Variants in CHL1 observed in about 807,000 individuals in gnomAD.
CHL1 encodes neural cell adhesion molecule L1-like protein.
A neutral mutation model predicts 141.9 loss-of-function variants in CHL1; 96 were observed. The observed-to-expected ratio is 0.68, with a 90% confidence interval of 0.57 to 0.80. The LOEUF is 0.80. CHL1 is among the 30% of genes least tolerant of loss of function. CHL1 has a pLI of 0.00. For missense variants in CHL1, 1,820 were observed against 1,457.2 expected (o/e 1.25, Z -4.05); for synonymous variants, 613 against 502.2 (o/e 1.22, Z -2.95).
chr3:278,491 G>GGGTCCGCGCCCTCCGCGGGGTT, intron 2 of CHL1, among the ~76,000 whole-genome samples: 1 of 152,268 alleles, frequency 6.6e-6, no homozygotes, highest in African/African-American at 2.4e-5. Context: ...TACTGCAAGC[G>GGGTCCGCGCCCTCCGCGGGGTT]TTCGTTAGTA....
chr3:237,882 G>C (rs539774890), intron 1 of CHL1, among the ~76,000 whole-genome samples: 1 of 152,306 alleles, frequency 6.6e-6, no homozygotes, highest in Non-Finnish European at 1.5e-5. Flanking sequence ...ATCAGAAATA[G>C]GGGCTATTTC....
At chr3:248,876 T>C (rs901569411) in intron 2 of CHL1, among the ~76,000 whole-genome samples, 2 of 152,140 alleles carry the variant, frequency 1.3e-5, no homozygotes, top group African/African-American at 4.8e-5. Context: ...TATTGACATT[T>C]AAAAGGACTG....
chr3:398,460 C>T (rs949420663), intron 25 of CHL1, 75 bp downstream of exon 25: 1 of 802,412 alleles, frequency 1.2e-6, no homozygotes, highest in East Asian at 2.7e-5. Flanking sequence ...TGCCTGTGTC[C>T]TATATTAAAC....
chr3:206,985 A>G (rs751382245), intron 1 of CHL1, among the ~76,000 whole-genome samples: 5 of 152,260 alleles, frequency 3.3e-5, no homozygotes, highest in Admixed American at 1.3e-4. Context: ...GCCATATCTC[A>G]GCATTGCTGT....
intron 5 of CHL1, among the ~76,000 whole-genome samples, chr3:333,848 A>G (rs1337931067): frequency 6.6e-6 from 1 of 152,172 alleles, no homozygotes; most frequent in Admixed American, 6.5e-5. Flanking sequence ...GTTGAATACT[A>G]CTCACACTTC....
At chr3:241,016 T>C (rs1692510013) in intron 1 of CHL1, among the ~76,000 whole-genome samples, 1 of 152,172 alleles carries the variant, frequency 6.6e-6, no homozygotes, top group African/African-American at 2.4e-5. Context: ...CCAAAGAGTA[T>C]ATATTATGTT....
intron 15 of CHL1, among the ~76,000 whole-genome samples, chr3:370,234 T>C (rs1285286108): frequency 6.6e-6 from 1 of 152,230 alleles, no homozygotes; most frequent in Non-Finnish European, 1.5e-5. Flanking sequence ...TCCTGGGCTT[T>C]ATTGGCTGGT....
In CHL1 at chr3:242,327, T is replaced by A. The variant is rs534186250; in HGVS notation, c.-174-2286T>A. 5.6e-5 allele frequency among the ~76,000 whole-genome samples: 8 copies of A among 143,066 alleles called. No homozygotes were observed. The South Asian group carries it at 1.3e-3, about 24-fold the overall frequency. 93.9% of individuals were successfully genotyped at this position (143,066 alleles called of 152,430 possible). A position where few individuals can be genotyped will look rare whatever the true frequency, so the allele number is the denominator to read the frequency against. On this transcript the variant is annotated intron_variant, in intron 1 of 27. Transcript: ENST00000256509. ...TAATACAGAGACTGGCTGAGCGCGGTGGCTCACGCCTGTAATCCCAGCACT... is the reference window on the plus strand; with the variant it reads ...TAATACAGAGACTGGCTGAGCGCGGAGGCTCACGCCTGTAATCCCAGCACT...
intron 12 of CHL1, among the ~76,000 whole-genome samples, chr3:360,807 G>T (rs1172682790): frequency 7.4e-6 from 1 of 135,242 alleles, no homozygotes; most frequent in African/African-American, 2.9e-5. Context: ...TGATCTCATT[G>T]TTCAATTCCC....
chr3:389,582 T>A, intron 20 of CHL1, 108 bp downstream of exon 20: 1 of 810,158 alleles, frequency 1.2e-6, no homozygotes, highest in Middle Eastern at 3.2e-4. Context: ...GCAAAGAGGA[T>A]GTACTAGCCG....
At chr3:383,242 T>G (rs1017808045) in intron 18 of CHL1, among the ~76,000 whole-genome samples, 1 of 152,176 alleles carries the variant, frequency 6.6e-6, no homozygotes, top group Non-Finnish European at 1.5e-5. Context: ...AGATAGAAAT[T>G]AACACTTGTG....
intron 5 of CHL1, among the ~76,000 whole-genome samples, chr3:329,956 C>G (rs59725424): frequency 0.018 from 2,732 of 152,048 alleles, 73 homozygotes; most frequent in African/African-American, 0.062. Flanking sequence ...ATTAACATAT[C>G]TTTTTCATTA....
At chr3:301,248 A>G (rs1371949086) in intron 2 of CHL1, among the ~76,000 whole-genome samples, 2 of 152,188 alleles carry the variant, frequency 1.3e-5, no homozygotes, top group Admixed American at 1.3e-4. Context: ...TTCATGCACA[A>G]ATATGCATGG....
Position 271,170 on chromosome 3 carries a change from T to G in CHL1, c.-95+26478T>G, listed in dbSNP as rs371415560. Among the ~76,000 whole-genome samples the G allele has an allele frequency of 1.1e-4, 16 of 152,256 alleles. No individual in the cohort carries two copies. In the East Asian group the frequency reaches 1.9e-3, roughly 18 times the overall value. On this transcript the variant is annotated intron_variant, in intron 2 of 27. Coordinates refer to ENST00000256509, the MANE Select transcript of CHL1 (RefSeq NM_006614.4). ...GGCCAAAGTTCCATTTCCTAAGGAT[T>G]GTGGGGAGGGGGAAGGAAAGTTTTT...
intron 9 of CHL1, among the ~76,000 whole-genome samples, chr3:347,967 A>AT (rs761570594): frequency 2.8e-4 from 42 of 151,932 alleles, no homozygotes; most frequent in Non-Finnish European, 4.6e-4. Flanking sequence ...TTTACCTCCA[A>AT]TTTTTTTTGC....
chr3:386,104 A>T (rs1220317049), intron 19 of CHL1, among the ~76,000 whole-genome samples: 1 of 151,832 alleles, frequency 6.6e-6, no homozygotes, highest in African/African-American at 2.4e-5. Flanking sequence ...GGTTTTTCCC[A>T]GTTTCACAAT....
intron 1 of CHL1, among the ~76,000 whole-genome samples, chr3:226,975 T>C (rs916753737): frequency 1.3e-5 from 2 of 152,210 alleles, no homozygotes; most frequent in Non-Finnish European, 2.9e-5. Flanking sequence ...CTGAAATGCA[T>C]GGCAGATTAA....
intron 15 of CHL1, among the ~76,000 whole-genome samples, chr3:368,098 G>T (rs1033595246): frequency 6.6e-6 from 1 of 152,072 alleles, no homozygotes; most frequent in African/African-American, 2.4e-5. Context: ...TATATATTCT[G>T]TTGGGTATAT....
At chr3:249,300 T>C (rs746745954) in intron 2 of CHL1, among the ~76,000 whole-genome samples, 18 of 152,120 alleles carry the variant, frequency 1.2e-4, no homozygotes, top group Non-Finnish European at 1.9e-4. Context: ...TCTGTCATAA[T>C]TGACTTGCAG....
Sources: allele counts gnomAD v4.1 joint callset (sites outside exome capture counted in the v4.1 genomes callset), GRCh38; gene constraint gnomAD v4.1.1; transcripts MANE v1.5; gene names NCBI Gene and HGNC (gene_info 2026-07-23, HGNC 2026-07-21).